The following NPIPB11 variants were observed in gnomAD, a reference collection of about 807,000 sequenced individuals.
NPIPB11 encodes nuclear pore complex interacting protein family member B11, also known as nuclear pore complex-interacting protein family member B11.
A neutral mutation model predicts 32.8 loss-of-function variants in NPIPB11; 17 were observed. That is an observed-to-expected ratio of 0.52 (90% CI 0.35 to 0.78). The LOEUF is 0.78. NPIPB11 is among the 30% of genes least tolerant of loss of function. NPIPB11 has a pLI of 0.01. For missense variants in NPIPB11, 537 were observed against 1,000.4 expected (o/e 0.54, Z 6.25); for synonymous variants, 209 against 398.4 (o/e 0.52, Z 5.66).
chr16:29,401,859 G>A (rs1452314518), intron 2 of NPIPB11, among the ~76,000 whole-genome samples: 3 of 151,842 alleles, frequency 2.0e-5, no homozygotes, highest in African/African-American at 7.3e-5. Context: ...GGAGAGCCAT[G>A]GAGGATGTGC....
At chr16:29,387,464 C>CA (rs1963609988) in intron 5 of NPIPB11, among the ~76,000 whole-genome samples, 1 of 149,698 alleles carries the variant, frequency 6.7e-6, no homozygotes, top group South Asian at 2.1e-4. Context: ...GACCATCAGC[C>CA]ATAGAGAGAT....
intron 2 of NPIPB11, among the ~76,000 whole-genome samples, chr16:29,398,895 G>C (rs1365626624): frequency 1.3e-5 from 2 of 151,892 alleles, no homozygotes; most frequent in African/African-American, 2.4e-5. Flanking sequence ...GAGTGATGAT[G>C]TCCTTATCTA....
At chr16:29,405,529 T>C (rs529317751), upstream of NPIPB11, among the ~76,000 whole-genome samples, 34 of 152,280 alleles carry the variant, frequency 2.2e-4, no homozygotes, top group East Asian at 2.7e-3. Context: ...TTAAACCTGC[T>C]AGCAAGCTTG....
exon 4 of NPIPB11, chr16:29,390,345 A>C (rs1288728792): frequency 2.2e-6 from 2 of 920,948 alleles, no homozygotes; most frequent in Non-Finnish European, 3.5e-6. Flanking sequence ...TTCAGGAGAG[A>C]CACCTAGGAA....
At chr16:29,399,604 A>G (rs1324949848) in intron 2 of NPIPB11, among the ~76,000 whole-genome samples, 2 of 151,746 alleles carry the variant, frequency 1.3e-5, no homozygotes, top group East Asian at 1.9e-4. Flanking sequence ...AGGCTGAGGC[A>G]GGAGAATAGT....
intron 2 of NPIPB11, among the ~76,000 whole-genome samples, chr16:29,401,665 C>G (rs972978860): frequency 1.3e-5 from 2 of 152,082 alleles, no homozygotes; most frequent in African/African-American, 4.8e-5. Flanking sequence ...TGGATGTACC[C>G]ATGGGATTTG....
chr16:29,397,735 G>C, intron 2 of NPIPB11: 1 of 325,868 alleles, frequency 3.1e-6, no homozygotes, highest in Non-Finnish European at 5.7e-6. Context: ...GACCGGGCCC[G>C]GATCTGAGTT....
chr16:29,402,904 G>T (rs1032544977), intron 2 of NPIPB11, among the ~76,000 whole-genome samples: 2 of 135,838 alleles, frequency 1.5e-5, no homozygotes, highest in Non-Finnish European at 3.1e-5. Flanking sequence ...CAAAACAAAT[G>T]AAGGAGAATA....
intron 3 of NPIPB11, among the ~76,000 whole-genome samples, chr16:29,392,011 A>G (rs1963734557): frequency 6.6e-6 from 1 of 152,062 alleles, no homozygotes; most frequent in Non-Finnish European, 1.5e-5. Flanking sequence ...ATGAGCCACC[A>G]CACCTGGCCT....
intron 2 of NPIPB11, among the ~76,000 whole-genome samples, chr16:29,403,399 TA>T (rs1344112419): frequency 6.9e-6 from 1 of 144,716 alleles, no homozygotes; most frequent in African/African-American, 2.6e-5. Flanking sequence ...AGATAATAAA[TA>T]ACCTTTTTAA....
At chr16:29,393,820 A>C (rs1744083725) in intron 3 of NPIPB11, 128 bp downstream of exon 3, 1 of 1,233,894 alleles carries the variant, frequency 8.1e-7, no homozygotes. Context: ...TATGCTAATA[A>C]ATCATTTCCC....
chr16:29,403,085 T>C (rs1964036117), intron 2 of NPIPB11, among the ~76,000 whole-genome samples: 1 of 146,942 alleles, frequency 6.8e-6, no homozygotes, highest in South Asian at 2.2e-4. Context: ...GATAATTTTT[T>C]TTTTTTTTTT....
upstream of NPIPB11, among the ~76,000 whole-genome samples, chr16:29,405,434 T>G (rs1205742295): frequency 6.6e-6 from 1 of 152,136 alleles, no homozygotes; most frequent in Non-Finnish European, 1.5e-5. Context: ...ACTCACATTC[T>G]TATACGATAA....
rs375504995 is a variant in NPIPB11 at position 29,400,829 on chromosome 16, T to A, written c.120+2854A>T. ...GTACAGGCAGGCACAGAGGCAGTGG[T>A]TCCATCGGAGGTGGCAGGTGTAGGA... is the stretch of plus-strand genomic sequence containing the variant. On this transcript the variant is annotated intron_variant, in intron 2 of 7. Coordinates refer to ENST00000524087, the Ensembl canonical transcript of NPIPB11. 1.3e-3 allele frequency among the ~76,000 whole-genome samples: 202 copies of A among 151,908 alleles called. 1 individual carries two copies. The highest frequency in any genetic ancestry group is 2.3e-3 in the Non-Finnish European group (158 of 67,908).
chr16:29,398,798 TCTGGCCTG>T lies in NPIPB11; in HGVS notation c.121-4730_121-4723del, dbSNP rs1486956196. ...ATAACATGGCAATAAAATGTCTCCC[TCTGGCCTG>T]GGAATTCCTCTTTGTGGCACAAGGT... On this transcript the variant is annotated intron_variant, in intron 2 of 7. Transcript: ENST00000524087. Among the ~76,000 whole-genome samples the T allele has an allele frequency of 3.3e-5, 5 of 151,978 alleles. No individual in the cohort carries two copies. In the East Asian group the frequency reaches 9.7e-4, roughly 29 times the overall value.
exon 8 of NPIPB11, chr16:29,382,045 T>C: frequency 2.1e-6 from 1 of 472,776 alleles, no homozygotes; most frequent in African/African-American, 6.8e-5. Context: ...GCAGGTGTCT[T>C]GATATTATCA....
chr16:29,393,490 T>C (rs1460202895), intron 3 of NPIPB11, among the ~76,000 whole-genome samples: 1 of 152,132 alleles, frequency 6.6e-6, no homozygotes, highest in Non-Finnish European at 1.5e-5. Context: ...AGCAGTCTCA[T>C]TTTTCAGCTG....
At chr16:29,401,784 C>T (rs540844756) in intron 2 of NPIPB11, among the ~76,000 whole-genome samples, 2 of 152,190 alleles carry the variant, frequency 1.3e-5, no homozygotes, top group African/African-American at 4.8e-5. Flanking sequence ...CAGCTGACAG[C>T]TCCCATATGG....
chr16:29,400,365 G>A (rs1396756762), intron 2 of NPIPB11, among the ~76,000 whole-genome samples: 7 of 151,722 alleles, frequency 4.6e-5, no homozygotes, highest in Non-Finnish European at 1.5e-5. Context: ...ATGGAGGCAT[G>A]GCCAGGCACC....
Sources: allele counts gnomAD v4.1 joint callset (sites outside exome capture counted in the v4.1 genomes callset), GRCh38; gene constraint gnomAD v4.1.1; transcripts MANE v1.5; gene names NCBI Gene and HGNC (gene_info 2026-07-23, HGNC 2026-07-21).